Variants in SS18 observed in about 807,000 individuals in gnomAD.
The protein encoded by SS18 is protein SSXT.
Under a neutral mutation model 72.5 loss-of-function variants are expected in SS18, and 28 were observed. That is an observed-to-expected ratio of 0.39 (90% confidence interval 0.29 to 0.53). The LOEUF is 0.53. SS18 is among the 20% of genes least tolerant of loss of function. The probability of loss-of-function intolerance (pLI) is 0.76; values close to 1 mark genes in which losing one functional copy is unlikely to be tolerated. For synonymous variants in SS18, 172 were observed against 164.2 expected (o/e 1.05, Z -0.37); for missense variants, 518 against 535.3 (o/e 0.97, Z 0.32).
intron 3 of SS18, among the ~76,000 whole-genome samples, chr18:26,068,740 A>C (rs1385481715): frequency 6.6e-6 from 1 of 152,114 alleles, no homozygotes; most frequent in Non-Finnish European, 1.5e-5. Flanking sequence ...GATGTTACCA[A>C]AAAAAATGCA....
chr18:26,032,687 A>T (rs774768749), intron 9 of SS18, among the ~76,000 whole-genome samples, 155 bp from the exon 10 acceptor site: 2 of 152,226 alleles, frequency 1.3e-5, no homozygotes, highest in Non-Finnish European at 2.9e-5. Context: ...TTCTGAAATA[A>T]ATCTGGATGG....
chr18:26,029,443 A>AT (rs1567990510), intron 10 of SS18, among the ~76,000 whole-genome samples: 1 of 152,200 alleles, frequency 6.6e-6, no homozygotes. Context: ...AACAGTCCAG[A>AT]TGAGTGCTAG....
At chr18:26,090,397 G>C (rs557095464) in intron 1 of SS18, 104 bp downstream of exon 1, 32 of 1,170,820 alleles carry the variant, frequency 2.7e-5, no homozygotes, top group Non-Finnish European at 3.8e-5. Context: ...CAGCAGGCCC[G>C]CCTCCGCCTC....
At chr18:26,065,543 T>G (rs1342124398) in intron 3 of SS18, among the ~76,000 whole-genome samples, 2 of 151,988 alleles carry the variant, frequency 1.3e-5, no homozygotes, top group Non-Finnish European at 2.9e-5. Flanking sequence ...CAATGGATCA[T>G]GAATAAACTA....
At chr18:26,054,250 C>A (rs916847342) in intron 4 of SS18, among the ~76,000 whole-genome samples, 6 of 152,082 alleles carry the variant, frequency 3.9e-5, no homozygotes. Flanking sequence ...TTGGTTAAAT[C>A]CATGGATGTG....
intron 2 of SS18, chr18:26,085,817 T>C (rs1320692558): frequency 1.3e-5 from 2 of 152,086 alleles, no homozygotes; most frequent in African/African-American, 2.4e-5. Context: ...AATGGAAACT[T>C]GGAATTAAAT....
At chr18:26,043,705 A>T (rs1213446336) in intron 5 of SS18, among the ~76,000 whole-genome samples, 1 of 152,206 alleles carries the variant, frequency 6.6e-6, no homozygotes, top group Non-Finnish European at 1.5e-5. Flanking sequence ...ATAAAAGAAC[A>T]AGAGCAAGTA....
At chr18:26,089,405 A>C (rs117031720) in intron 1 of SS18, among the ~76,000 whole-genome samples, 1 of 152,238 alleles carries the variant, frequency 6.6e-6, no homozygotes. Context: ...AAAATAAAGC[A>C]ACAGTTGGGC....
intron 5 of SS18, among the ~76,000 whole-genome samples, chr18:26,042,051 A>G (rs2053737845): frequency 6.6e-6 from 1 of 150,822 alleles, no homozygotes. Flanking sequence ...TCCATTAAAG[A>G]AAAAAAAAAT....
intron 2 of SS18, among the ~76,000 whole-genome samples, chr18:26,085,316 T>TGAAC (rs2054597986): frequency 6.6e-6 from 1 of 152,202 alleles, no homozygotes; most frequent in South Asian, 2.1e-4. Flanking sequence ...ATTTCAGGCA[T>TGAAC]GAACCATCGT....
intron 5 of SS18, among the ~76,000 whole-genome samples, chr18:26,045,535 T>C (rs1164533053): frequency 6.6e-6 from 1 of 152,188 alleles, no homozygotes; most frequent in Non-Finnish European, 1.5e-5. Context: ...TCCTTTTACT[T>C]TGCATATTTC....
chr18:26,084,924 T>C (rs577561616), intron 2 of SS18, among the ~76,000 whole-genome samples: 4 of 152,234 alleles, frequency 2.6e-5, no homozygotes, highest in Non-Finnish European at 4.4e-5. Context: ...TAGTATTGCA[T>C]TCTTGATTTT....
At chr18:26,089,093 G>A (rs78284129) in intron 1 of SS18, among the ~76,000 whole-genome samples, 5 of 152,146 alleles carry the variant, frequency 3.3e-5, no homozygotes, top group East Asian at 3.9e-4. Context: ...TCCCATTGTA[G>A]AATAAGGCAA....
chr18:26,068,794 C>T (rs898925835), intron 3 of SS18, among the ~76,000 whole-genome samples: 2 of 152,170 alleles, frequency 1.3e-5, no homozygotes, highest in African/African-American at 2.4e-5. Context: ...TACATAGCCT[C>T]AATCAATTTT....
intron 4 of SS18, among the ~76,000 whole-genome samples, chr18:26,055,676 T>C (rs2054005178): frequency 6.6e-6 from 1 of 151,456 alleles, no homozygotes; most frequent in Non-Finnish European, 1.5e-5. Context: ...ATAAAGAAAA[T>C]ATAAGTTACT....
chr18:26,076,571 C>A (rs1452380979), intron 3 of SS18, among the ~76,000 whole-genome samples: 1 of 151,948 alleles, frequency 6.6e-6, no homozygotes, highest in African/African-American at 2.4e-5. Flanking sequence ...AACTTCAAAA[C>A]TAAATATACT....
intron 5 of SS18, among the ~76,000 whole-genome samples, chr18:26,041,100 T>C (rs1472891125): frequency 6.6e-6 from 1 of 152,230 alleles, no homozygotes; most frequent in Non-Finnish European, 1.5e-5. Flanking sequence ...TGTTCTATTT[T>C]TCATTGCCTC....
chr18:26,075,329 T>C (rs141692762), intron 3 of SS18, among the ~76,000 whole-genome samples: 43 of 151,994 alleles, frequency 2.8e-4, no homozygotes, highest in African/African-American at 9.9e-4. Flanking sequence ...CTAACCAAAA[T>C]TTTAACAAAC....
chr18:26,020,996 T>C (rs1162553196), intron 10 of SS18, among the ~76,000 whole-genome samples: 2 of 152,154 alleles, frequency 1.3e-5, no homozygotes, highest in African/African-American at 4.8e-5. Context: ...ATGCTTTGTG[T>C]CCATCTATAT....
Sources: gnomAD v4.1 joint callset for allele counts (sites outside exome capture counted in the v4.1 genomes callset) on GRCh38, gnomAD v4.1.1 for gene constraint, MANE v1.5 for transcripts, NCBI Gene and HGNC (gene_info 2026-07-23, HGNC 2026-07-21) for gene names.